Variants in MAT1A observed in about 807,000 individuals in gnomAD.
MAT1A encodes methionine adenosyltransferase 1A.
Under a neutral mutation model 44.0 loss-of-function variants are expected in MAT1A, and 19 were observed. The observed-to-expected ratio is 0.43, with a 90% CI of 0.30 to 0.63. The LOEUF is 0.63. Ranked by LOEUF, MAT1A falls within the 30% of genes least tolerant of loss-of-function variation. MAT1A has a pLI of 0.12. For missense variants in MAT1A, 397 were observed against 531.0 expected (o/e 0.75, Z 2.48); for synonymous variants, 205 against 205.6 (o/e 1.00, Z 0.03).
At chr10:80,287,032 A>G (rs776230060) in intron 1 of MAT1A, among the ~76,000 whole-genome samples, 5 of 152,168 alleles carry the variant, frequency 3.3e-5, no homozygotes, top group African/African-American at 9.7e-5. Flanking sequence ...ACACACTTCT[A>G]CCACTGAAGG....
At chr10:80,284,142 G>A (rs1841610111) in intron 2 of MAT1A, 104 bp from the exon 3 acceptor site, 2 of 1,441,906 alleles carry the variant, frequency 1.4e-6, no homozygotes, top group East Asian at 2.4e-5. Context: ...ACACAGGAGG[G>A]GCCTTACGAG....
Position 80,276,446 on chromosome 10 carries a change from G to T in MAT1A, c.698C>A (p.Ala233Asp). 1 of 1,614,190 alleles carries T rather than the reference G, an allele frequency of 6.2e-7. No homozygotes were observed. The highest frequency in any genetic ancestry group is 1.1e-5 in the South Asian group (1 of 91,084). ...GACGGTGTCTTCGTCCAGGTACTTG[G>T]CCGGCACCACGGCCCTGATGACTTG... The part of the protein sequence containing the change: ...KEQVIRAVVP[A>D]KYLDEDTVYH... The change falls in exon 6 of 9, where the codon GCC becomes GAC. Residue 233 changes from alanine to aspartate, a missense_variant. By Grantham distance (126) the Ala-to-Asp change is moderately radical. Transcript: ENST00000372213.
chr10:80,273,138 T>C lies in MAT1A; in HGVS notation c.*643A>G, dbSNP rs569681388. ...CGTGGCTGTGGGACCCTGTGGAAGT[T>C]ATCCAGACTCTCTGTGCTTTGCTTT... On this transcript the variant is annotated 3_prime_UTR_variant, in exon 9 of 9. Transcript: ENST00000372213. The C allele has an allele frequency of 6.5e-6, 1 of 154,056 alleles. No individual in the cohort carries two copies. The highest frequency in any genetic ancestry group is 2.0e-4 in the South Asian group (1 of 4,908). 9.5% of individuals were successfully genotyped at this position (154,056 alleles called of 1,614,324 possible).
At position 80,275,145 on chromosome 10, in the gene MAT1A, C is replaced by G. The variant is rs1273150468; in HGVS notation, c.823G>C (p.Gly275Arg). Residue 275 changes from glycine to arginine, a missense_variant, in exon 7 of 9, where the codon GGG becomes CGG. By Grantham distance (125) the Gly-to-Arg change is moderately radical (BLOSUM62 -2). Coordinates refer to ENST00000372213, the MANE Select transcript of MAT1A (RefSeq NM_000429.3). ...KIIVDTYGGW[G>R]AHGGGAFSGK... ...GAGAAGGCCCCACCACCATGAGCCC[C>G]CCAGCCGCCATAGGTGTCCACAATA... 5 of 1,613,242 alleles carry G rather than the reference C, an allele frequency of 3.1e-6. No homozygotes were observed. Among genetic ancestry groups the G allele is most frequent in the Non-Finnish European group, 4.2e-6 (5 of 1,179,782 alleles).
intron 7 of MAT1A, 71 bp downstream of exon 7, chr10:80,274,946 C>T: frequency 6.6e-7 from 1 of 1,513,868 alleles, no homozygotes; most frequent in Non-Finnish European, 9.0e-7. Context: ...GGCCAACATC[C>T]CCTCACTCAG....
intron 5 of MAT1A, among the ~76,000 whole-genome samples, chr10:80,278,496 G>A (rs1841519346): frequency 6.6e-6 from 1 of 152,190 alleles, no homozygotes; most frequent in Admixed American, 6.5e-5. Context: ...GACAGGACAG[G>A]CAGGCCGACA....
rs118204001 is a variant in MAT1A at position 80,274,639 on chromosome 10, A to C, written c.966T>G (p.Ile322Met). The change falls in exon 8 of 9, where the codon ATT becomes ATG. Residue 322 changes from isoleucine (I) to methionine (M), a missense_variant. Coordinates refer to ENST00000372213, the MANE Select transcript of MAT1A (RefSeq NM_000429.3). ...AAATGGACAGCGGCTCGGCCACACC[A>C]ATGGCATAGGAAACCTTCCAGCAAG... is the stretch of plus-strand genomic sequence containing the variant. ...RRVLVQVSYA[I>M]GVAEPLSISI... 10 of 1,613,992 alleles carry C rather than the reference A, an allele frequency of 6.2e-6. No individual in the cohort carries two copies. The highest frequency in any genetic ancestry group is 4.2e-6 in the Non-Finnish European group (5 of 1,180,002).
chr10:80,280,544 C>T (rs549371283), intron 4 of MAT1A, 136 bp downstream of exon 4: 35 of 987,474 alleles, frequency 3.5e-5, no homozygotes, highest in South Asian at 3.5e-4. Context: ...ACAGCACGGC[C>T]GTGAAGCTGG....
rs1367477010 is a variant in MAT1A, at chr10:80,271,834, G to A, written c.*1947C>T. On this transcript the variant is annotated 3_prime_UTR_variant, in exon 9 of 9. Coordinates refer to ENST00000372213, the MANE Select transcript of MAT1A (RefSeq NM_000429.3). ...TAAGCATAGGGTAGTTGCTCCTTGAGTTTTTATTCATTGTTTTAGCAGGAA... is the reference window on the plus strand; with the variant it reads ...TAAGCATAGGGTAGTTGCTCCTTGAATTTTTATTCATTGTTTTAGCAGGAA... 1 of 152,174 alleles carries A rather than the reference G, an allele frequency of 6.6e-6. No homozygotes were observed. Among genetic ancestry groups the A allele is most frequent in the Non-Finnish European group, 1.5e-5 (1 of 68,012 alleles). The allele number at this position is 152,174 out of a possible 1,614,324, so 9.4% of individuals were successfully genotyped here. A position where few individuals can be genotyped will look rare whatever the true frequency, so the allele number is the denominator to read the frequency against.
intron 5 of MAT1A, 74 bp downstream of exon 5, chr10:80,280,082 GATCTTAAAAATGACACA>G (rs1256266922): frequency 6.9e-7 from 1 of 1,453,846 alleles, no homozygotes; most frequent in East Asian, 2.3e-5. Flanking sequence ...TGAATATTTC[GATCTTAAAAATGACACA>G]ATCAAGAATC....
chr10:80,289,495 T>TTTTTTCC lies in MAT1A; in HGVS notation c.-73_-72insGGAAAAA. ...GGCTGTGACTTTGCCTGAGTTTTTT[T>TTTTTTCC]TTCTTCTTCTTCTTCTTCTTTCAAC... On this transcript the variant is annotated 5_prime_UTR_variant, in exon 1 of 9. Transcript: ENST00000372213. 1.0e-5 allele frequency: 9 copies of TTTTTTCC among 863,552 alleles called. No individual in the cohort carries two copies. The highest frequency in any genetic ancestry group is 1.3e-5 in the Non-Finnish European group (7 of 521,534). The allele number at this position is 863,552 out of a possible 1,614,324, so 53.5% of individuals were successfully genotyped here.
At chr10:80,281,702 AAC>A (rs1396969303) in intron 3 of MAT1A, among the ~76,000 whole-genome samples, 3 of 152,224 alleles carry the variant, frequency 2.0e-5, no homozygotes, top group Non-Finnish European at 2.9e-5. Context: ...TTACAGAGAA[AAC>A]ACACAGATCC....
At chr10:80,289,309 G>A (rs1339159010) in intron 1 of MAT1A, 24 bp downstream of exon 1, 8 of 1,590,474 alleles carry the variant, frequency 5.0e-6, no homozygotes, top group Admixed American at 5.0e-5. Context: ...TCGTTTTCCA[G>A]TCAGTCCAAG....
At chr10:80,279,530 T>A (rs1841531907) in intron 5 of MAT1A, among the ~76,000 whole-genome samples, 1 of 151,976 alleles carries the variant, frequency 6.6e-6, no homozygotes, top group South Asian at 2.1e-4. Context: ...TCATTGGGGT[T>A]AAGCAGGGAG....
rs777071220 is a variant in MAT1A, at chr10:80,274,653, C to G, written c.952G>C (p.Val318Leu). The G allele has an allele frequency of 6.2e-7, 1 of 1,614,132 alleles. No homozygotes were observed. Among genetic ancestry groups the G allele is most frequent in the South Asian group, 1.1e-5 (1 of 91,082 alleles). The change falls in exon 8 of 9, where the codon GTT (valine) becomes CTT (leucine). Residue 318 changes from valine (V) to leucine (L), a missense_variant and splice_region_variant. By Grantham distance (32) the Val-to-Leu change is conservative (BLOSUM62 1). Transcript: ENST00000372213. ...TCGGCCACACCAATGGCATAGGAAA[C>G]CTTCCAGCAAGGTGCAGCGTCAGGG... Reference protein sequence around the residue: ...AGLCRRVLVQVSYAIGVAEPL... With the variant: ...AGLCRRVLVQLSYAIGVAEPL...
intron 3 of MAT1A, 87 bp downstream of exon 3, chr10:80,283,829 G>A (rs1428791225): frequency 1.0e-5 from 16 of 1,596,156 alleles, no homozygotes; most frequent in South Asian, 5.5e-5. Flanking sequence ...TGCTCCCATC[G>A]GGCTGAAAGG....
intron 2 of MAT1A, among the ~76,000 whole-genome samples, chr10:80,284,682 T>C (rs1008621413): frequency 6.6e-6 from 1 of 152,218 alleles, no homozygotes; most frequent in Non-Finnish European, 1.5e-5. Flanking sequence ...CCCATGGCCT[T>C]GGCCAGGCCC....
chr10:80,287,861 T>C (rs546285812), intron 1 of MAT1A, among the ~76,000 whole-genome samples: 2 of 152,350 alleles, frequency 1.3e-5, no homozygotes, highest in African/African-American at 4.8e-5. Flanking sequence ...TTTCAACAGC[T>C]GCACTATTAA....
At chr10:80,276,318 C>T in intron 6 of MAT1A, 58 bp downstream of exon 6, 1 of 1,566,398 alleles carries the variant, frequency 6.4e-7, no homozygotes, top group Non-Finnish European at 8.8e-7. Flanking sequence ...TGCTCTGAGA[C>T]ATAAGCAACC....
Sources: gnomAD v4.1 joint callset for allele counts (sites outside exome capture counted in the v4.1 genomes callset) on GRCh38, gnomAD v4.1.1 for gene constraint, MANE v1.5 for transcripts, NCBI Gene and HGNC (gene_info 2026-07-23, HGNC 2026-07-21) for gene names.